The following FMR1 variants were observed in gnomAD, a reference collection of about 807,000 sequenced individuals.
FMR1 encodes the protein fragile X messenger ribonucleoprotein 1.
Under a neutral mutation model 50.6 loss-of-function variants are expected in FMR1, and 13 were observed. That is an observed-to-expected ratio of 0.26 (90% CI 0.17 to 0.41). FMR1 has a LOEUF of 0.41. Ranked by LOEUF, FMR1 falls within the 10% of genes least tolerant of loss-of-function variation. FMR1 has a pLI of 1.00. For synonymous variants in FMR1, 138 were observed against 164.1 expected, an observed-to-expected ratio of 0.84 and a Z score of 1.22; for missense variants, 316 against 491.3, an observed-to-expected ratio of 0.64 and a Z score of 3.37.
chrX:147,920,909 C>T (rs2043129734), intron 1 of FMR1, among the ~76,000 whole-genome samples: 1 of 111,781 alleles, frequency 8.9e-6, no homozygotes. Flanking sequence ...AGTAGTTTAG[C>T]ATTGTTGGGT....
intron 9 of FMR1, chrX:147,933,401 G>A: frequency 1.1e-6 from 1 of 933,451 alleles, no homozygotes; most frequent in Admixed American, 4.5e-5. Flanking sequence ...ATTATCTCAG[G>A]GTTGAAGATC....
Position 147,928,348 on chromosome X carries a change from G to C in FMR1, c.225G>C (p.Glu75Asp). The C allele has an allele frequency of 8.3e-7, 1 of 1,208,581 alleles. No homozygotes were observed. The highest frequency in any genetic ancestry group is 1.1e-6 in the Non-Finnish European group (1 of 892,810). ...TGTATTCCAGAGCAAATGAAAAAGA[G>C]CCTTGCTGTTGGTGGTTAGCTAAAG... The part of the protein sequence containing the change: ...VEVYSRANEK[E>D]PCCWWLAKVR... Residue 75 changes from glutamate (E) to aspartate (D), a missense_variant, in exon 4 of 17, where the codon GAG (glutamate) becomes GAC (aspartate). This residue lies in a region of FMR1 where 124 missense variants were observed against 238.1 expected (regional missense o/e 0.52). Coordinates refer to ENST00000370475, the MANE Select transcript of FMR1 (RefSeq NM_002024.6).
At chrX:147,944,848 A>G in intron 14 of FMR1, 21 bp from the exon 15 acceptor site, 1 of 1,202,653 alleles carries the variant, frequency 8.3e-7, no homozygotes. Flanking sequence ...ACAATGGTAT[A>G]TAACTTTTAA....
At chrX:147,947,002 T>C (rs781960795) in intron 16 of FMR1, 3 of 112,760 alleles carry the variant, frequency 2.7e-5, no homozygotes, top group African/African-American at 9.7e-5. Context: ...TAAACTGATA[T>C]GTTTGATGAA....
At chrX:147,921,681 G>A (rs1183035868) in intron 1 of FMR1, among the ~76,000 whole-genome samples, 3 of 111,146 alleles carry the variant, frequency 2.7e-5, no homozygotes, top group Non-Finnish European at 5.7e-5. Context: ...TCTATTTTTC[G>A]AGATGTTGAA....
intron 14 of FMR1, chrX:147,944,313 G>A (rs1412808999): frequency 6.6e-6 from 5 of 753,086 alleles, no homozygotes; most frequent in Non-Finnish European, 7.8e-6. Context: ...GCAGGTTGTG[G>A]ACCAAACATC....
rs919513503 is a variant in FMR1, at chrX:147,943,226, G to A, written c.1371G>A (p.Lys457=). ...GACCACCACCAAATCGTACAGATAA[G>A]GAAAAAAGCTATGTGACTGATGATG... ...SSRPPPNRTD[K]EKSYVTDDGQ... The change falls in exon 14 of 17, where the codon AAG becomes AAA. Residue 457 remains lysine, a synonymous_variant. Transcript: ENST00000370475. The A allele has an allele frequency of 1.7e-6, 2 of 1,210,621 alleles. No homozygotes were observed. The highest frequency in any genetic ancestry group is 2.3e-4 in the Middle Eastern group (1 of 4,352).
At chrX:147,927,367 GT>G (rs2043428749) in intron 3 of FMR1, among the ~76,000 whole-genome samples, 1 of 111,948 alleles carries the variant, frequency 8.9e-6, no homozygotes, top group South Asian at 3.7e-4. Context: ...TCTGGCTAGA[GT>G]AGTTGAGAAA....
intron 13 of FMR1, among the ~76,000 whole-genome samples, chrX:147,942,502 T>C (rs1374607429): frequency 2.7e-5 from 3 of 112,451 alleles, no homozygotes; most frequent in Non-Finnish European, 5.6e-5. Context: ...TTTCAAGGCA[T>C]GATGTAAGAC....
intron 5 of FMR1, 98 bp from the exon 6 acceptor site, chrX:147,929,850 A>T (rs1313807759): frequency 1.0e-5 from 6 of 572,487 alleles, no homozygotes; most frequent in Non-Finnish European, 1.7e-5. Context: ...ATCAAATTTA[A>T]TATGAATCCA....
At chrX:147,944,832 A>C in intron 14 of FMR1, 37 bp from the exon 15 acceptor site, 1 of 1,174,925 alleles carries the variant, frequency 8.5e-7, no homozygotes. Context: ...TTTTTTTTAA[A>C]GTCAGACAAT....
Position 147,912,136 on chromosome X carries a change from C to T in FMR1, c.-44C>T. ...CTGGGCCTCGAGCGCCCGCAGCCCACCTCTCGGGGGCGGGCTCCCGGCGCT... is the reference window on the plus strand; with the variant it reads ...CTGGGCCTCGAGCGCCCGCAGCCCATCTCTCGGGGGCGGGCTCCCGGCGCT... On this transcript the variant is annotated 5_prime_UTR_variant, in exon 1 of 17. Transcript: ENST00000370475. The T allele has an allele frequency of 2.0e-6, 2 of 992,694 alleles. No individual in the cohort carries two copies. The highest frequency in any genetic ancestry group is 2.6e-6 in the Non-Finnish European group (2 of 776,573). 81.8% of individuals were successfully genotyped at this position (992,694 alleles called of 1,213,427 possible). A position where few individuals can be genotyped will look rare whatever the true frequency, so the allele number is the denominator to read the frequency against.
At chrX:147,918,354 G>A (rs1206025175) in intron 1 of FMR1, among the ~76,000 whole-genome samples, 1 of 111,297 alleles carries the variant, frequency 9.0e-6, no homozygotes, top group Non-Finnish European at 1.9e-5. Context: ...TATTAAAGCA[G>A]CAACCAAAGG....
chrX:147,926,563 C>T (rs1297574905), intron 3 of FMR1, among the ~76,000 whole-genome samples: 1 of 110,603 alleles, frequency 9.0e-6, no homozygotes, highest in Non-Finnish European at 1.9e-5. Context: ...TCTTGGCTCC[C>T]TGCAACCTCC....
At position 147,943,187 on chromosome X, in the gene FMR1, T is replaced by C. The variant is rs1557181260; in HGVS notation, c.1332T>C (p.Ile444=). 2 of 1,208,963 alleles carry C rather than the reference T, an allele frequency of 1.7e-6. No homozygotes were observed. The highest frequency in any genetic ancestry group is 3.5e-5 in the African/African-American group (2 of 57,063). ...AAATTGATGAGCAGTTGCGACAGATTGGAGCTAGTTCTAGACCACCACCAA... is the reference window on the plus strand; with the variant it reads ...AAATTGATGAGCAGTTGCGACAGATCGGAGCTAGTTCTAGACCACCACCAA... ...RLQIDEQLRQ[I]GASSRPPPNR... Residue 444 remains isoleucine (I), a synonymous_variant, in exon 14 of 17, where the codon ATT becomes ATC. Transcript: ENST00000370475.
chrX:147,921,876 T>C, intron 1 of FMR1, 57 bp from the exon 2 acceptor site: 1 of 837,266 alleles, frequency 1.2e-6, no homozygotes, highest in Non-Finnish European at 1.8e-6. Context: ...AAAATTTAAC[T>C]AAAAACAAAA....
intron 9 of FMR1, among the ~76,000 whole-genome samples, chrX:147,934,155 G>C (rs189624181): frequency 9.1e-6 from 1 of 109,773 alleles, no homozygotes; most frequent in Non-Finnish European, 1.9e-5. Context: ...AGTTAGAAAG[G>C]TTATTGTAAA....
chrX:147,944,720 A>G (rs1430843651), intron 14 of FMR1, 149 bp from the exon 15 acceptor site: 15 of 1,044,317 alleles, frequency 1.4e-5, no homozygotes, highest in Non-Finnish European at 1.8e-5. Flanking sequence ...ATTTTGTTTT[A>G]TGAAATGGAA....
chrX:147,940,470 A>G, intron 12 of FMR1, 106 bp from the exon 13 acceptor site: 5 of 572,823 alleles, frequency 8.7e-6, no homozygotes, highest in Non-Finnish European at 1.3e-5. Context: ...ACATTTGTAT[A>G]CCTGCTGTTC....
Sources: allele counts gnomAD v4.1 joint callset (sites outside exome capture counted in the v4.1 genomes callset), GRCh38; gene constraint gnomAD v4.1.1; regional missense constraint gnomAD v4.1.1; transcripts MANE v1.5; gene names NCBI Gene and HGNC (gene_info 2026-07-23, HGNC 2026-07-21).